BBX: variants seen among roughly 807,000 people sequenced by gnomAD.
The protein encoded by BBX is BBX high mobility group box domain containing, also known as HMG box transcription factor BBX.
Under a neutral mutation model 100.2 loss-of-function variants are expected in BBX, and 30 were observed. The observed-to-expected ratio is 0.30, with a 90% CI of 0.22 to 0.41. The LOEUF (loss-of-function observed/expected upper bound fraction) is 0.41, where lower values mean the gene tolerates loss of function less well. BBX is among the 10% of genes least tolerant of loss of function. The probability of loss-of-function intolerance (pLI) is 1.00; values close to 1 mark genes in which losing one functional copy is unlikely to be tolerated. For missense variants in BBX, 1,023 were observed against 1,129.8 expected (o/e 0.91, Z 1.35); for synonymous variants, 376 against 388.1 (o/e 0.97, Z 0.37).
intron 2 of BBX, among the ~76,000 whole-genome samples, chr3:107,571,382 G>T (rs942933269): frequency 6.6e-6 from 1 of 152,152 alleles, no homozygotes; most frequent in Non-Finnish European, 1.5e-5. Flanking sequence ...AACACCAAGG[G>T]AAGACTGTCT....
intron 2 of BBX, among the ~76,000 whole-genome samples, chr3:107,621,753 C>G (rs999401883): frequency 2.6e-5 from 4 of 152,144 alleles, no homozygotes; most frequent in Admixed American, 2.6e-4. Context: ...TAGGATTATA[C>G]CTTTGTAAGT....
chr3:107,608,374 A>G (rs114188520), intron 2 of BBX, among the ~76,000 whole-genome samples: 1,619 of 152,148 alleles, frequency 0.011, 45 homozygotes, highest in African/African-American at 0.037. Context: ...AAATGAGTTC[A>G]CCATAGATGT....
intron 3 of BBX, among the ~76,000 whole-genome samples, chr3:107,689,898 C>G (rs1171381917): frequency 6.6e-6 from 1 of 152,092 alleles, no homozygotes; most frequent in Non-Finnish European, 1.5e-5. Flanking sequence ...TTCTTAATGA[C>G]ATTATAAAGA....
chr3:107,716,381 T>C, intron 4 of BBX: 1 of 539,270 alleles, frequency 1.9e-6, no homozygotes. Context: ...TATGCTGTAA[T>C]AGAGACATGC....
intron 2 of BBX, among the ~76,000 whole-genome samples, chr3:107,614,141 G>A (rs1050790324): frequency 3.3e-5 from 5 of 151,718 alleles, no homozygotes; most frequent in Admixed American, 2.0e-4. Context: ...TAGTTGAGAC[G>A]GGGTTTCCCC....
intron 3 of BBX, among the ~76,000 whole-genome samples, chr3:107,702,011 A>T (rs760736881): frequency 1.3e-5 from 2 of 152,206 alleles, no homozygotes; most frequent in Non-Finnish European, 2.9e-5. Flanking sequence ...GGGATTGACT[A>T]TGTAACTGAG....
rs748575488 is a variant in BBX, at chr3:107,716,727, C to A, written c.283C>A (p.Arg95Ser). 1.9e-6 allele frequency: 3 copies of A among 1,613,666 alleles called. No homozygotes were observed. The African/African-American group carries it at 4.0e-5, about 22-fold the overall frequency. The stretch of plus-strand genomic sequence containing the variant: ...ATTTCTTTTATTTTGCAAACGCCAT[C>A]GCTCTCTTGTACGTCAGGAACACCC... ...NAFLLFCKRH[R>S]SLVRQEHPRL... is the part of the protein sequence containing the mutation. The change falls in exon 5 of 18, where the codon CGC becomes AGC. Residue 95 changes from arginine to serine, a missense_variant. Arg to Ser is a moderately radical substitution (Grantham distance 110). This residue lies in a region of BBX where 229 missense variants were observed against 226.3 expected (regional missense o/e 1.01). Coordinates refer to ENST00000325805, the MANE Select transcript of BBX (RefSeq NM_001142568.3).
At chr3:107,751,707 G>GA (rs1328909125) in intron 9 of BBX, among the ~76,000 whole-genome samples, 3 of 152,092 alleles carry the variant, frequency 2.0e-5, no homozygotes, top group Non-Finnish European at 4.4e-5. Flanking sequence ...TTTAAGAGAA[G>GA]AAAAATCAGG....
chr3:107,546,317 A>C (rs993993002), intron 2 of BBX, among the ~76,000 whole-genome samples: 12 of 152,088 alleles, frequency 7.9e-5, no homozygotes, highest in African/African-American at 2.9e-4. Flanking sequence ...TTTTACCTTT[A>C]CTACTGTCAT....
At chr3:107,629,893 A>G (rs2056439664) in intron 2 of BBX, among the ~76,000 whole-genome samples, 1 of 152,158 alleles carries the variant, frequency 6.6e-6, no homozygotes, top group South Asian at 2.1e-4. Context: ...TAATACACAG[A>G]TCCATTCAAA....
chr3:107,693,350 T>C (rs2060324769), intron 3 of BBX, among the ~76,000 whole-genome samples: 2 of 151,976 alleles, frequency 1.3e-5, no homozygotes, highest in Admixed American at 1.3e-4. Flanking sequence ...TTTAAGTCTT[T>C]AGTCCATCTT....
intron 3 of BBX, among the ~76,000 whole-genome samples, chr3:107,703,068 ATCT>A (rs996141655): frequency 2.6e-5 from 4 of 152,158 alleles, no homozygotes; most frequent in African/African-American, 4.8e-5. Flanking sequence ...CCATGAGCTA[ATCT>A]TCTTGTGTTT....
chr3:107,742,326 T>G (rs962430966), intron 7 of BBX, among the ~76,000 whole-genome samples: 3 of 151,708 alleles, frequency 2.0e-5, no homozygotes, highest in Non-Finnish European at 4.4e-5. Flanking sequence ...TTTTTTTTTT[T>G]GTCGGCCCTC....
intron 3 of BBX, among the ~76,000 whole-genome samples, chr3:107,689,314 C>T (rs997312430): frequency 3.9e-5 from 6 of 152,144 alleles, no homozygotes; most frequent in African/African-American, 1.4e-4. Context: ...CCTTCCCTTA[C>T]GTGCTGTGTT....
intron 3 of BBX, among the ~76,000 whole-genome samples, chr3:107,690,159 T>G (rs1161965428): frequency 1.3e-5 from 2 of 152,204 alleles, no homozygotes; most frequent in Admixed American, 1.3e-4. Flanking sequence ...CATAAAAAAT[T>G]AAAACGAATG....
At chr3:107,633,511 C>T (rs917083025) in intron 2 of BBX, among the ~76,000 whole-genome samples, 10 of 152,212 alleles carry the variant, frequency 6.6e-5, no homozygotes, top group African/African-American at 9.6e-5. Flanking sequence ...ATAGAGCTGT[C>T]ATCTCTGGGC....
intron 2 of BBX, among the ~76,000 whole-genome samples, chr3:107,560,069 CCT>C (rs927027588): frequency 3.3e-5 from 5 of 152,068 alleles, no homozygotes; most frequent in Admixed American, 2.0e-4. Flanking sequence ...GGTCTCTTAA[CCT>C]CTCGTTCAGT....
intron 10 of BBX, among the ~76,000 whole-genome samples, chr3:107,758,034 T>C (rs2065622808): frequency 6.6e-6 from 1 of 152,204 alleles, no homozygotes; most frequent in Non-Finnish European, 1.5e-5. Context: ...CAATCTCAAG[T>C]CATCCTTTGG....
intron 2 of BBX, among the ~76,000 whole-genome samples, chr3:107,548,992 T>A (rs1485586078): frequency 6.6e-6 from 1 of 151,912 alleles, no homozygotes. Flanking sequence ...GACTATTAGA[T>A]GGGGAAGGGA....
Sources: gnomAD v4.1 joint callset for allele counts (sites outside exome capture counted in the v4.1 genomes callset) on GRCh38, gnomAD v4.1.1 for gene constraint, gnomAD v4.1.1 regional missense constraint, MANE v1.5 for transcripts, NCBI Gene and HGNC (gene_info 2026-07-23, HGNC 2026-07-21) for gene names.